ARID5B: variants seen among roughly 807,000 people sequenced by gnomAD.
The protein encoded by ARID5B is AT-rich interactive domain-containing protein 5B.
ARID5B carries 13 observed loss-of-function variants against 97.2 expected under a neutral mutation model. The ratio of observed to expected loss-of-function variants is 0.13; its 90% confidence interval spans 0.09 to 0.21. The LOEUF (loss-of-function observed/expected upper bound fraction) is 0.21, where lower values mean the gene tolerates loss of function less well. Among genes scored for constraint, ARID5B ranks in the 10% least tolerant of loss-of-function variants. The probability of loss-of-function intolerance (pLI) is 1.00; values close to 1 mark genes in which losing one functional copy is unlikely to be tolerated. For missense variants in ARID5B, 1,210 were observed against 1,465.3 expected (o/e 0.83, Z 2.84); for synonymous variants, 556 against 570.3 (o/e 0.97, Z 0.36).
intron 4 of ARID5B, among the ~76,000 whole-genome samples, chr10:62,013,068 G>A (rs186995637): frequency 1.3e-5 from 2 of 152,286 alleles, no homozygotes; most frequent in East Asian, 3.9e-4. Flanking sequence ...GATAATCAGA[G>A]CCTGCTGTAG....
intron 7 of ARID5B, among the ~76,000 whole-genome samples, chr10:62,059,932 A>C (rs951906864): frequency 6.6e-6 from 1 of 152,192 alleles, no homozygotes; most frequent in African/African-American, 2.4e-5. Flanking sequence ...ACATTACAGC[A>C]ACAAACTGAG....
At chr10:61,919,051 C>G (rs918486657) in intron 2 of ARID5B, among the ~76,000 whole-genome samples, 2 of 77,056 alleles carry the variant, frequency 2.6e-5, no homozygotes, top group East Asian at 3.7e-4. Context: ...CCCCCCCCCC[C>G]CAAAAAAATA....
At chr10:62,076,896 G>A (rs1485178242) in intron 8 of ARID5B, among the ~76,000 whole-genome samples, 1 of 152,110 alleles carries the variant, frequency 6.6e-6, no homozygotes, top group Non-Finnish European at 1.5e-5. Context: ...CTTTCTCATG[G>A]CAGTCCTGAC....
At chr10:61,973,966 T>C (rs949521821) in intron 3 of ARID5B, among the ~76,000 whole-genome samples, 1 of 152,210 alleles carries the variant, frequency 6.6e-6, no homozygotes, top group Admixed American at 6.5e-5. Context: ...TCAATCACAG[T>C]GAATGGACTT....
At chr10:62,016,497 C>G (rs1274769345) in intron 4 of ARID5B, among the ~76,000 whole-genome samples, 1 of 152,202 alleles carries the variant, frequency 6.6e-6, no homozygotes, top group Non-Finnish European at 1.5e-5. Context: ...AACAGTGTAT[C>G]TTACAATTGA....
At position 61,915,716 on chromosome 10, in the gene ARID5B, G is replaced by A. The variant is rs1371190313; in HGVS notation, c.276+13303G>A. Among the ~76,000 whole-genome samples, 3 of 152,270 alleles carry A rather than the reference G, an allele frequency of 2.0e-5. No individual in the cohort carries two copies. The East Asian group carries it at 5.8e-4, about 29-fold the overall frequency. ...AGCTAAGGCAAACTAAGGCCCATAG[G>A]CCAACTCTGGTCTACTATCTGTCTT... On this transcript the variant is annotated intron_variant, in intron 2 of 9. Coordinates refer to ENST00000279873, the MANE Select transcript of ARID5B (RefSeq NM_032199.3).
chr10:62,003,401 G>A (rs564644294), intron 4 of ARID5B, among the ~76,000 whole-genome samples: 3 of 152,264 alleles, frequency 2.0e-5, no homozygotes, highest in South Asian at 4.1e-4. Flanking sequence ...GAAAAAGGCA[G>A]GGTTTGATCT....
At chr10:62,087,320 G>GAAAAAAAAAAAAAAAAA (rs1589292422) in intron 9 of ARID5B, among the ~76,000 whole-genome samples, 2 of 76,008 alleles carry the variant, frequency 2.6e-5, no homozygotes, top group Admixed American at 1.4e-4. Context: ...AAAAAAAAAG[G>GAAAAAAAAAAAAAAAAA]AAAAAAGATC....
At chr10:62,024,341 C>G (rs1042863565) in intron 4 of ARID5B, among the ~76,000 whole-genome samples, 13 of 152,300 alleles carry the variant, frequency 8.5e-5, no homozygotes, top group African/African-American at 3.1e-4. Context: ...AATACAACAC[C>G]TGTTGTCTTT....
rs1164342402 is a variant in ARID5B at position 61,983,867 on chromosome 10, C to CTTTTTTTTTTTTTTTTTTTTTTTTT, written c.503-16217_503-16193dup. Among the ~76,000 whole-genome samples the CTTTTTTTTTTTTTTTTTTTTTTTTT allele has an allele frequency of 1.1e-4, 3 of 27,590 alleles. 1 individual carries two copies. Among genetic ancestry groups the CTTTTTTTTTTTTTTTTTTTTTTTTT allele is most frequent in the African/African-American group, 4.7e-4 (3 of 6,316 alleles). 18.1% of individuals were successfully genotyped at this position (27,590 alleles called of 152,430 possible). ...TATATTTTTTAAACCCCCTTTTGTT[C>CTTTTTTTTTTTTTTTTTTTTTTTTT]TTTTTTTTTTTTTTTTTTTTTTTTT... On this transcript the variant is annotated intron_variant, in intron 3 of 9. Coordinates refer to ENST00000279873, the MANE Select transcript of ARID5B (RefSeq NM_032199.3).
intron 4 of ARID5B, among the ~76,000 whole-genome samples, chr10:62,014,999 T>A (rs1043458887): frequency 6.6e-6 from 1 of 152,206 alleles, no homozygotes; most frequent in African/African-American, 2.4e-5. Flanking sequence ...TTCCAATGAT[T>A]CTCTGTAAAC....
At chr10:61,923,029 G>A (rs1237462073) in intron 2 of ARID5B, among the ~76,000 whole-genome samples, 1 of 152,094 alleles carries the variant, frequency 6.6e-6, no homozygotes, top group East Asian at 1.9e-4. Context: ...AATGGAAATT[G>A]ATTTATGGGG....
chr10:61,954,655 G>A lies in ARID5B; in HGVS notation c.502+14247G>A, dbSNP rs550797470. ...TGTGCATGAGTAGGTGTGTGAATAC[G>A]CTTGTGTGTTTGTGAAATCATCCCA... On this transcript the variant is annotated intron_variant, in intron 3 of 9. Transcript: ENST00000279873. Among the ~76,000 whole-genome samples the A allele has an allele frequency of 6.6e-5, 10 of 152,222 alleles. No homozygotes were observed. In the South Asian group the frequency reaches 1.0e-3, roughly 16 times the overall value.
chr10:62,086,657 C>CA (rs1840285005), intron 9 of ARID5B, among the ~76,000 whole-genome samples: 1 of 136,252 alleles, frequency 7.3e-6, no homozygotes, highest in Non-Finnish European at 1.5e-5. Flanking sequence ...GCTGAGATCA[C>CA]GACAGCCTGG....
rs754211044 is a variant in ARID5B at position 61,902,143 on chromosome 10, T to A, written c.22-16T>A. On this transcript the variant is annotated splice_polypyrimidine_tract_variant and intron_variant, in intron 1 of 9. Coordinates refer to ENST00000279873, the MANE Select transcript of ARID5B (RefSeq NM_032199.3). ...TGGCTACATTATTTATTTGGTGTTT[T>A]TTTCCCCCCCTGCAGTGGGTCGGCT... is the stretch of plus-strand genomic sequence containing the variant. 7 of 1,610,428 alleles carry A rather than the reference T, an allele frequency of 4.3e-6. No homozygotes were observed. Among genetic ancestry groups the A allele is most frequent in the African/African-American group, 1.3e-5 (1 of 74,586 alleles).
intron 4 of ARID5B, among the ~76,000 whole-genome samples, chr10:62,009,556 T>C (rs1480569179): frequency 1.3e-5 from 2 of 152,112 alleles, no homozygotes; most frequent in Non-Finnish European, 2.9e-5. Context: ...GTCACAGACC[T>C]GGCATGTTGC....
chr10:61,940,557 A>G, intron 3 of ARID5B, 149 bp downstream of exon 3: 1 of 721,062 alleles, frequency 1.4e-6, no homozygotes, highest in Non-Finnish European at 2.2e-6. Flanking sequence ...GGATGGAGAG[A>G]TGACTGGATG....
At chr10:61,943,786 C>A (rs900632823) in intron 3 of ARID5B, among the ~76,000 whole-genome samples, 2 of 151,176 alleles carry the variant, frequency 1.3e-5, no homozygotes, top group Admixed American at 1.3e-4. Flanking sequence ...TGTCTGCCAA[C>A]AAATTAATAC....
chr10:61,930,155 C>T (rs1342142250), intron 2 of ARID5B, among the ~76,000 whole-genome samples: 1 of 152,176 alleles, frequency 6.6e-6, no homozygotes, highest in Non-Finnish European at 1.5e-5. Context: ...CAGATTGCAT[C>T]TAAGTATATG....
Sources: gnomAD v4.1 joint callset for allele counts (sites outside exome capture counted in the v4.1 genomes callset) on GRCh38, gnomAD v4.1.1 for gene constraint, MANE v1.5 for transcripts, NCBI Gene and HGNC (gene_info 2026-07-23, HGNC 2026-07-21) for gene names.